The following VGLL2 variants were observed in gnomAD, a reference collection of about 807,000 sequenced individuals.
The protein encoded by VGLL2 is vestigial like family member 2, also known as transcription cofactor vestigial-like protein 2.
A neutral mutation model predicts 27.0 loss-of-function variants in VGLL2; 18 were observed. The observed-to-expected ratio is 0.67, with a 90% confidence interval of 0.46 to 0.99. The LOEUF (loss-of-function observed/expected upper bound fraction) is 0.99. Among genes scored for constraint, VGLL2 ranks in the 50% least tolerant of loss-of-function variants. The probability of loss-of-function intolerance (pLI) is 0.00; values close to 1 mark genes in which losing one functional copy is unlikely to be tolerated. For synonymous variants in VGLL2, 220 were observed against 201.1 expected (o/e 1.09, Z -0.80); for missense variants, 491 against 452.3 (o/e 1.09, Z -0.78).
intron 3 of VGLL2, chr6:117,272,193 C>G (rs1318668690): frequency 2.0e-6 from 1 of 493,176 alleles, no homozygotes. Flanking sequence ...CTTCCTCCTC[C>G]TCCTCTTCTT....
chr6:117,266,469 G>C (rs1773070336), intron 1 of VGLL2, among the ~76,000 whole-genome samples: 1 of 152,212 alleles, frequency 6.6e-6, no homozygotes, highest in Non-Finnish European at 1.5e-5. Flanking sequence ...ACCCGGCAGA[G>C]GCGAGCCTGA....
chr6:117,270,905 G>C lies in VGLL2; in HGVS notation c.754G>C (p.Ala252Pro). The C allele has an allele frequency of 2.2e-5, 28 of 1,262,488 alleles. No homozygotes were observed. The highest frequency in any genetic ancestry group is 2.8e-5 in the Non-Finnish European group (28 of 1,008,738). The allele number at this position is 1,262,488 out of a possible 1,614,324, so 78.2% of individuals were successfully genotyped here. The change falls in exon 3 of 4, where the codon GCC becomes CCC. Residue 252 changes from alanine to proline, a missense_variant. Coordinates refer to ENST00000326274, the MANE Select transcript of VGLL2 (RefSeq NM_182645.3). Reference sequence around the variant, plus strand: ...GATGCCAGCCGCCTCGGGGCGCCCGGCCCGCCTCGCAACCGCCCCGGCGCC... The same window carrying C: ...GATGCCAGCCGCCTCGGGGCGCCCGCCCCGCCTCGCAACCGCCCCGGCGCC... The part of the protein sequence containing the change: ...LLMPAASGRP[A>P]RLATAPAPAP...
At position 117,272,473 on chromosome 6, in the gene VGLL2, T is replaced by C. The variant is rs1270107276; in HGVS notation, c.933T>C (p.Cys311=). The C allele has an allele frequency of 1.2e-6, 2 of 1,614,054 alleles. No individual in the cohort carries two copies. The change falls in exon 4 of 4, where the codon TGT becomes TGC. Residue 311 remains cysteine (C), a synonymous_variant. Transcript: ENST00000326274. The part of the protein sequence containing the change: ...SVDSARRYSL[C]GASLLS Reference sequence around the variant, plus strand: ...TTGCAGCTCGTCGTTATTCCCTCTGTGGTGCATCCCTCCTGAGCTGATCTG... The same window carrying C: ...TTGCAGCTCGTCGTTATTCCCTCTGCGGTGCATCCCTCCTGAGCTGATCTG...
chr6:117,268,671 C>T (rs547377157), intron 2 of VGLL2, among the ~76,000 whole-genome samples, 180 bp downstream of exon 2: 1 of 152,140 alleles, frequency 6.6e-6, no homozygotes, highest in Non-Finnish European at 1.5e-5. Flanking sequence ...TAAGAAAAAA[C>T]TCCTTGGAAA....
chr6:117,273,410 T>C lies in VGLL2; in HGVS notation c.*916T>C, dbSNP rs1176353268. Reference sequence around the variant, plus strand: ...GGAATCACCACAAGGGGAAGAAATGTACATGAAGTCTCCATTACCTCGAAT... The same window carrying C: ...GGAATCACCACAAGGGGAAGAAATGCACATGAAGTCTCCATTACCTCGAAT... On this transcript the variant is annotated 3_prime_UTR_variant, in exon 4 of 4. Coordinates refer to ENST00000326274, the MANE Select transcript of VGLL2 (RefSeq NM_182645.3). 3 of 152,164 alleles carry C rather than the reference T, an allele frequency of 2.0e-5. No individual in the cohort carries two copies. Among genetic ancestry groups the C allele is most frequent in the Non-Finnish European group, 4.4e-5 (3 of 68,032 alleles). The allele number at this position is 152,164 out of a possible 1,614,324, so 9.4% of individuals were successfully genotyped here.
chr6:117,271,604 T>C (rs1773203193), intron 3 of VGLL2, among the ~76,000 whole-genome samples: 1 of 152,156 alleles, frequency 6.6e-6, no homozygotes, highest in Admixed American at 6.5e-5. Flanking sequence ...TTCTTTTTAC[T>C]TTTTTTCCAA....
At chr6:117,270,371 C>CTT (rs1773158192) in intron 2 of VGLL2, among the ~76,000 whole-genome samples, 172 bp from the exon 3 acceptor site, 1 of 152,114 alleles carries the variant, frequency 6.6e-6, no homozygotes, top group East Asian at 1.9e-4. Context: ...CTTAGAAAAA[C>CTT]GCCGCTGCAG....
At chr6:117,272,226 C>T in intron 3 of VGLL2, 1 of 816,260 alleles carries the variant, frequency 1.2e-6, no homozygotes, top group Non-Finnish European at 1.5e-6. Context: ...CCTTCTCCTT[C>T]TCCTTCTTCT....
chr6:117,271,318 A>AATAATG (rs1042366767), intron 3 of VGLL2, among the ~76,000 whole-genome samples: 2 of 139,948 alleles, frequency 1.4e-5, no homozygotes, highest in African/African-American at 2.8e-5. Flanking sequence ...TAATAATAAT[A>AATAATG]ATAATGATAA....
At chr6:117,266,412 AT>A (rs1773069109) in intron 1 of VGLL2, among the ~76,000 whole-genome samples, 1 of 152,110 alleles carries the variant, frequency 6.6e-6, no homozygotes, top group Admixed American at 6.5e-5. Flanking sequence ...CAGTTTTATA[AT>A]TTTTTCCTTT....
At chr6:117,270,522 G>A in intron 2 of VGLL2, 21 bp from the exon 3 acceptor site, 1 of 1,570,466 alleles carries the variant, frequency 6.4e-7, no homozygotes, top group Non-Finnish European at 8.6e-7. Flanking sequence ...CCTCCACTCC[G>A]CCTCCCCGGC....
At position 117,273,222 on chromosome 6, in the gene VGLL2, TTATATA is replaced by T. The variant is rs898573852; in HGVS notation, c.*736_*741del. Reference sequence around the variant, plus strand: ...AACAATTGCAATTGCACTGGGTATATTATATATATATATGTATGCATATATATCATA... The same window carrying T: ...AACAATTGCAATTGCACTGGGTATATTATATATGTATGCATATATATCATA... On this transcript the variant is annotated 3_prime_UTR_variant, in exon 4 of 4. Transcript: ENST00000326274. The T allele has an allele frequency of 6.6e-6, 1 of 151,962 alleles. No homozygotes were observed. Among genetic ancestry groups the T allele is most frequent in the Non-Finnish European group, 1.5e-5 (1 of 67,928 alleles). 9.4% of individuals were successfully genotyped at this position (151,962 alleles called of 1,614,324 possible). A position where few individuals can be genotyped will look rare whatever the true frequency, so the allele number is the denominator to read the frequency against.
Position 117,268,388 on chromosome 6 carries a change from C to T in VGLL2, c.288C>T (p.Ser96=). The change falls in exon 2 of 4, where the codon AGC becomes AGT. Residue 96 remains serine (S), a synonymous_variant. Transcript: ENST00000326274. ...TCACTTATTTCCAGGGGGACATCAG[C>T]TCCGTGGTGGATGAACATTTCAGCA... ...VLFTYFQGDI[S]SVVDEHFSRA... 7 of 1,614,098 alleles carry T rather than the reference C, an allele frequency of 4.3e-6. No homozygotes were observed. The highest frequency in any genetic ancestry group is 5.9e-6 in the Non-Finnish European group (7 of 1,180,022).
At position 117,265,652 on chromosome 6, in the gene VGLL2, TCCG is replaced by T; in HGVS notation, c.-109_-107del. ...GAGCCGCGGAGCGCGCTGGCTTTGC[TCCG>T]CCTGATGACTCCAGAGCGCGGGTCC... On this transcript the variant is annotated 5_prime_UTR_variant, in exon 1 of 4. Transcript: ENST00000326274. 1 of 880,624 alleles carries T rather than the reference TCCG, an allele frequency of 1.1e-6. No homozygotes were observed. Among genetic ancestry groups the T allele is most frequent in the Non-Finnish European group, 1.8e-6 (1 of 543,246 alleles). The allele number at this position is 880,624 out of a possible 1,614,324, so 54.6% of individuals were successfully genotyped here.
At chr6:117,270,517 A>T in intron 2 of VGLL2, 26 bp from the exon 3 acceptor site, 1 of 1,555,162 alleles carries the variant, frequency 6.4e-7, no homozygotes, top group Non-Finnish European at 8.7e-7. Flanking sequence ...CCTTTCCTCC[A>T]CTCCGCCTCC....
rs1773053110 is a variant in VGLL2 at position 117,265,756 on chromosome 6, G to T, written c.-8G>T. On this transcript the variant is annotated 5_prime_UTR_variant, in exon 1 of 4. It introduces an in-frame stop codon into an upstream open reading frame of the 5' UTR. Coordinates refer to ENST00000326274, the MANE Select transcript of VGLL2 (RefSeq NM_182645.3). ...AAAAACACTTAACCGTCTCCGCTGCGGAGAGTCATGAGCTGTCTGGATGTT... is the reference window on the plus strand; with the variant it reads ...AAAAACACTTAACCGTCTCCGCTGCTGAGAGTCATGAGCTGTCTGGATGTT... 3 of 1,613,624 alleles carry T rather than the reference G, an allele frequency of 1.9e-6. No homozygotes were observed. The highest frequency in any genetic ancestry group is 2.5e-6 in the Non-Finnish European group (3 of 1,179,552).
intron 2 of VGLL2, among the ~76,000 whole-genome samples, chr6:117,269,950 TAGAA>T (rs1191152541): frequency 6.6e-6 from 1 of 152,192 alleles, no homozygotes; most frequent in Non-Finnish European, 1.5e-5. Flanking sequence ...AGAAGGTTTC[TAGAA>T]AGAAAACTAA....
chr6:117,265,908 T>G, intron 1 of VGLL2, 64 bp downstream of exon 1: 1 of 1,465,446 alleles, frequency 6.8e-7, no homozygotes. Context: ...CGGCATGGCC[T>G]GTACGCCAAG....
intron 1 of VGLL2, among the ~76,000 whole-genome samples, chr6:117,266,663 T>G (rs1773074386): frequency 6.6e-6 from 1 of 152,134 alleles, no homozygotes; most frequent in South Asian, 2.1e-4. Flanking sequence ...TTTCCTCAGC[T>G]GAGGTAGCAG....
Sources: allele counts gnomAD v4.1 joint callset (sites outside exome capture counted in the v4.1 genomes callset), GRCh38; gene constraint gnomAD v4.1.1; transcripts MANE v1.5; gene names NCBI Gene and HGNC (gene_info 2026-07-23, HGNC 2026-07-21).